JMJD6: variants seen among roughly 807,000 people sequenced by gnomAD.
The protein encoded by JMJD6 is jumonji domain containing 6, arginine demethylase and lysine hydroxylase.
Under a neutral mutation model 45.8 loss-of-function variants are expected in JMJD6, and 17 were observed. The ratio of observed to expected loss-of-function variants is 0.37; its 90% CI spans 0.25 to 0.56. The LOEUF (loss-of-function observed/expected upper bound fraction) is 0.56. Ranked by LOEUF, JMJD6 falls within the 20% of genes least tolerant of loss-of-function variation. JMJD6 has a pLI of 0.79. For missense variants in JMJD6, 470 were observed against 517.5 expected (o/e 0.91, Z 0.89); for synonymous variants, 221 against 196.3 (o/e 1.13, Z -1.05).
At chr17:76,721,994 C>T in intron 3 of JMJD6, 61 bp from the exon 4 acceptor site, 2 of 1,566,684 alleles carry the variant, frequency 1.3e-6, no homozygotes, top group Non-Finnish European at 8.7e-7. Context: ...TACTGTATAA[C>T]ACACACACCA....
At chr17:76,716,202 G>T, downstream of JMJD6, 1 of 157,898 alleles carries the variant, frequency 6.3e-6, no homozygotes, top group South Asian at 1.6e-4. Context: ...CACTGCCACT[G>T]AATGCATTTG....
chr17:76,720,625 A>C, intron 4 of JMJD6, 127 bp from the exon 5 acceptor site: 1 of 856,158 alleles, frequency 1.2e-6, no homozygotes, highest in Non-Finnish European at 1.9e-6. Context: ...TTCAGAATGG[A>C]TACTGTACAA....
Position 76,718,530 on chromosome 17 carries a change from A to C in JMJD6, c.*199T>G, listed in dbSNP as rs2076784669. The C allele has an allele frequency of 4.4e-6, 6 of 1,370,958 alleles. No homozygotes were observed. Among genetic ancestry groups the C allele is most frequent in the Non-Finnish European group, 5.6e-6 (6 of 1,065,120 alleles). 84.9% of individuals were successfully genotyped at this position (1,370,958 alleles called of 1,614,324 possible). A position where few individuals can be genotyped will look rare whatever the true frequency, so the allele number is the denominator to read the frequency against. On this transcript the variant is annotated 3_prime_UTR_variant, in exon 6 of 6. Coordinates refer to ENST00000397625, the MANE Select transcript of JMJD6 (RefSeq NM_015167.3). Reference sequence around the variant, plus strand: ...TCACATTCTCTTGCCTGAGTAAAACAAGCCGCGTTTATCTGCATTGGTAGC... The same window carrying C: ...TCACATTCTCTTGCCTGAGTAAAACCAGCCGCGTTTATCTGCATTGGTAGC...
chr17:76,722,527 A>G (rs888028133), intron 3 of JMJD6, among the ~76,000 whole-genome samples: 2 of 152,082 alleles, frequency 1.3e-5, no homozygotes, highest in Non-Finnish European at 2.9e-5. Flanking sequence ...CCTGGGTAAC[A>G]GTGAGACCTC....
In JMJD6 at chr17:76,718,695, C is replaced by G; in HGVS notation, c.*34G>C. On this transcript the variant is annotated 3_prime_UTR_variant, in exon 6 of 6. Transcript: ENST00000397625. ...CCCCAGGCCCTGCCCTTGCCGCGAG[C>G]GTGTCCTTCCATACAGACAACAGCC... 1.2e-6 allele frequency: 2 copies of G among 1,608,204 alleles called. No homozygotes were observed. Among genetic ancestry groups the G allele is most frequent in the Non-Finnish European group, 1.7e-6 (2 of 1,176,902 alleles).
At chr17:76,715,703 C>CT (rs1367413902), downstream of JMJD6, 1 of 152,194 alleles carries the variant, frequency 6.6e-6, no homozygotes, top group East Asian at 1.9e-4. Flanking sequence ...GACAACCCCT[C>CT]TTATTGAAGT....
At position 76,725,406 on chromosome 17, in the gene JMJD6, C is replaced by CAAAA. The variant is rs36106744; in HGVS notation, c.518+57_518+60dup. On this transcript the variant is annotated intron_variant, in intron 2 of 5. Transcript: ENST00000397625. ...GGGCTACAAGAGTGACGCTCTGTCT[C>CAAAA]AAAAAAAAAAAAAAAAAAAAAAGAA... The CAAAA allele has an allele frequency of 2.1e-3, 2,015 of 954,876 alleles. 9 individuals are homozygous for CAAAA. Among genetic ancestry groups the CAAAA allele is most frequent in the South Asian group, 2.7e-3 (138 of 50,618 alleles). 59.2% of individuals were successfully genotyped at this position (954,876 alleles called of 1,614,324 possible). A position where few individuals can be genotyped will look rare whatever the true frequency, so the allele number is the denominator to read the frequency against.
intron 5 of JMJD6, among the ~76,000 whole-genome samples, chr17:76,720,107 T>C (rs2076804346): frequency 6.6e-6 from 1 of 152,208 alleles, no homozygotes; most frequent in African/African-American, 2.4e-5. Context: ...ATCGCGCCAT[T>C]GCACTCCAGC....
chr17:76,718,655 T>G lies in JMJD6; in HGVS notation c.*74A>C, dbSNP rs746169040. 1.3e-6 allele frequency: 2 copies of G among 1,564,146 alleles called. No homozygotes were observed. The highest frequency in any genetic ancestry group is 2.7e-5 in the African/African-American group (2 of 73,750). On this transcript the variant is annotated 3_prime_UTR_variant, in exon 6 of 6. Transcript: ENST00000397625. ...TCAGGCCTCCCCTTGTCTGCAGGAC[T>G]GGACAGGCCACCCTCCCCAGGCCCT...
At chr17:76,717,068 C>T (rs951713438), downstream of JMJD6, among the ~76,000 whole-genome samples, 8 of 152,100 alleles carry the variant, frequency 5.3e-5, no homozygotes, top group African/African-American at 1.7e-4. Context: ...ATGGAGGCCA[C>T]GCGATAGGAG....
intron 4 of JMJD6, chr17:76,721,365 A>G (rs752461344): frequency 4.7e-6 from 2 of 421,190 alleles, no homozygotes; most frequent in Non-Finnish European, 9.9e-6. Context: ...TTCTGTGGAT[A>G]AACAGAGGAG....
chr17:76,723,603 G>A lies in JMJD6; in HGVS notation c.805+169C>T, dbSNP rs148182930. Reference sequence around the variant, plus strand: ...CTATAGGCGCCCACCACCACGCCCGGCTAATTTTTTTGTATTTTTAGTAGA... The same window carrying A: ...CTATAGGCGCCCACCACCACGCCCGACTAATTTTTTTGTATTTTTAGTAGA... On this transcript the variant is annotated intron_variant, in intron 3 of 5. Transcript: ENST00000397625. Among the ~76,000 whole-genome samples the A allele has an allele frequency of 2.8e-3, 420 of 152,118 alleles. 9 individuals carry two copies. The East Asian group carries it at 0.057, about 21-fold the overall frequency.
At position 76,726,501 on chromosome 17, in the gene JMJD6, C is replaced by T. The variant is rs2076940702; in HGVS notation, c.-26G>A. The T allele has an allele frequency of 6.3e-7, 1 of 1,581,140 alleles. No homozygotes were observed. The highest frequency in any genetic ancestry group is 8.6e-7 in the Non-Finnish European group (1 of 1,164,558). On this transcript the variant is annotated 5_prime_UTR_variant, in exon 1 of 6. Transcript: ENST00000397625. ...TCTGCGGGGTCGCCAGCTGGTTCCG[C>T]TACGACCTCGGCGCAGCCCGCTTCC...
chr17:76,721,615 G>A lies in JMJD6; in HGVS notation c.941+183C>T, dbSNP rs553875269. On this transcript the variant is annotated intron_variant, in intron 4 of 5. Transcript: ENST00000397625. The stretch of plus-strand genomic sequence containing the variant: ...AGTCTCACCCTGCCACCTCGAGGCT[G>A]GCGAACACCCTGAGGACTTGCCCTG... Among the ~76,000 whole-genome samples, 5 of 152,260 alleles carry A rather than the reference G, an allele frequency of 3.3e-5. No individual in the cohort carries two copies. In the East Asian group the frequency reaches 5.8e-4, roughly 18 times the overall value.
Position 76,718,709 on chromosome 17 carries a change from C to T in JMJD6, c.*20G>A, listed in dbSNP as rs779006029. ...CTTGCCGCGAGCGTGTCCTTCCATA[C>T]AGACAACAGCCTTGCTGGGTCACCT... On this transcript the variant is annotated 3_prime_UTR_variant, in exon 6 of 6. Transcript: ENST00000397625. 1.9e-6 allele frequency: 3 copies of T among 1,612,314 alleles called. No individual in the cohort carries two copies. The highest frequency in any genetic ancestry group is 8.5e-7 in the Non-Finnish European group (1 of 1,179,000).
downstream of JMJD6, chr17:76,716,613 G>T: frequency 7.4e-7 from 1 of 1,355,710 alleles, no homozygotes; most frequent in Non-Finnish European, 1.1e-6. Context: ...AGGAGCAGAA[G>T]ATGCGAGAAC....
chr17:76,712,874 T>A (rs2076739384), exon 7 of JMJD6: 1 of 152,202 alleles, frequency 6.6e-6, no homozygotes, highest in Non-Finnish European at 1.5e-5. Context: ...ATGAACAAGT[T>A]TCACCCAAGT....
At position 76,720,509 on chromosome 17, in the gene JMJD6, A is replaced by G. The variant is rs779584920; in HGVS notation, c.942-11T>C. ...TCTTGCTTCAAAATCCTGAGAGGCA[A>G]GAAGTGTTGTTCTCAGTGCACTGAC... is the stretch of plus-strand genomic sequence containing the variant. On this transcript the variant is annotated splice_polypyrimidine_tract_variant and intron_variant, in intron 4 of 5. Coordinates refer to ENST00000397625, the MANE Select transcript of JMJD6 (RefSeq NM_015167.3). 9.3e-6 allele frequency: 15 copies of G among 1,613,696 alleles called. No homozygotes were observed. The Admixed American group carries it at 1.8e-4, about 20-fold the overall frequency.
At chr17:76,716,752 CAG>C (rs747003581), downstream of JMJD6, 2 of 1,613,628 alleles carry the variant, frequency 1.2e-6, no homozygotes, top group South Asian at 2.2e-5. Context: ...TGCCTGTAAT[CAG>C]CACGTAGACA....
Sources: allele counts gnomAD v4.1 joint callset (sites outside exome capture counted in the v4.1 genomes callset), GRCh38; gene constraint gnomAD v4.1.1; transcripts MANE v1.5; gene names NCBI Gene and HGNC (gene_info 2026-07-23, HGNC 2026-07-21).